CSMD3: variants seen among roughly 807,000 people sequenced by gnomAD.
The protein encoded by CSMD3 is CUB and sushi domain-containing protein 3.
CSMD3 carries 177 observed loss-of-function variants against 435.2 expected under a neutral mutation model. The observed-to-expected ratio is 0.41, with a 90% CI of 0.36 to 0.46. CSMD3 has a LOEUF of 0.46. Among genes scored for constraint, CSMD3 ranks in the 20% least tolerant of loss-of-function variants. The pLI, the probability that CSMD3 is intolerant of heterozygous loss-of-function variation, is 0.34. For missense variants in CSMD3, 4,265 were observed against 4,504.6 expected (o/e 0.95, Z 1.52); for synonymous variants, 1,656 against 1,520.5 (o/e 1.09, Z -2.07).
chr8:112,709,277 T>G (rs1435537386), intron 13 of CSMD3, among the ~76,000 whole-genome samples: 1 of 152,146 alleles, frequency 6.6e-6, no homozygotes, highest in Non-Finnish European at 1.5e-5. Flanking sequence ...CCAAAATTAT[T>G]TAATGGCCCA....
chr8:113,298,939 A>G (rs2093742342), intron 2 of CSMD3, among the ~76,000 whole-genome samples: 2 of 152,196 alleles, frequency 1.3e-5, no homozygotes. Context: ...GGAAGATAGG[A>G]GTAAAAAATA....
At chr8:112,916,370 G>A (rs574045035) in intron 10 of CSMD3, among the ~76,000 whole-genome samples, 16 of 151,768 alleles carry the variant, frequency 1.1e-4, no homozygotes, top group African/African-American at 3.4e-4. Flanking sequence ...TAACATGTAA[G>A]TGATATCATT....
intron 40 of CSMD3, among the ~76,000 whole-genome samples, chr8:112,350,645 T>C (rs1042825509): frequency 3.9e-5 from 6 of 151,982 alleles, no homozygotes; most frequent in Non-Finnish European, 7.4e-5. Flanking sequence ...AAAAAAAGCA[T>C]GAATAGAAGT....
chr8:112,608,032 C>T (rs945595511), intron 22 of CSMD3, among the ~76,000 whole-genome samples: 11 of 152,118 alleles, frequency 7.2e-5, no homozygotes, highest in African/African-American at 2.4e-4. Flanking sequence ...TTGCAGATGA[C>T]GTCATCTTAC....
intron 10 of CSMD3, among the ~76,000 whole-genome samples, chr8:112,915,547 C>T (rs1404165472): frequency 6.6e-6 from 1 of 151,666 alleles, no homozygotes; most frequent in Non-Finnish European, 1.5e-5. Context: ...TTATAATCAC[C>T]TTTATTTTTC....
chr8:112,413,333 T>C (rs898503032), intron 32 of CSMD3, among the ~76,000 whole-genome samples: 1 of 152,214 alleles, frequency 6.6e-6, no homozygotes, highest in African/African-American at 2.4e-5. Flanking sequence ...TTCCATTGAC[T>C]GAGAAAGTTT....
chr8:113,295,176 T>C (rs13255149), intron 2 of CSMD3, among the ~76,000 whole-genome samples: 119,098 of 152,060 alleles, frequency 0.78, 47,705 homozygotes, highest in Middle Eastern at 0.88. Context: ...CTTTCTGTTA[T>C]AAACGTCCCA....
chr8:112,421,888 T>C (rs1029530096), intron 32 of CSMD3, among the ~76,000 whole-genome samples: 34 of 152,038 alleles, frequency 2.2e-4, no homozygotes, highest in African/African-American at 7.5e-4. Context: ...AAGTTCTTTA[T>C]ACATATCAGC....
chr8:113,415,561 CT>C (rs2094578479), intron 1 of CSMD3, among the ~76,000 whole-genome samples: 1 of 152,040 alleles, frequency 6.6e-6, no homozygotes. Context: ...AAATGACAGA[CT>C]TTTAGAATTT....
chr8:113,407,239 AT>A (rs1272392560), intron 1 of CSMD3, among the ~76,000 whole-genome samples: 1 of 152,148 alleles, frequency 6.6e-6, no homozygotes, highest in Non-Finnish European at 1.5e-5. Flanking sequence ...TTGATGTTAA[AT>A]TCCTCAAAGG....
chr8:113,258,425 A>G (rs1179228822), intron 3 of CSMD3, among the ~76,000 whole-genome samples: 1 of 152,158 alleles, frequency 6.6e-6, no homozygotes. Context: ...AGCGGGACAT[A>G]TTAACACTCA....
intron 13 of CSMD3, among the ~76,000 whole-genome samples, chr8:112,755,519 A>G (rs971368633): frequency 1.1e-4 from 17 of 151,194 alleles, no homozygotes; most frequent in African/African-American, 4.1e-4. Flanking sequence ...CCCTTCGGCC[A>G]TGATGGTAAG....
intron 13 of CSMD3, among the ~76,000 whole-genome samples, chr8:112,757,778 G>A (rs1431697114): frequency 6.6e-6 from 1 of 152,124 alleles, no homozygotes; most frequent in Non-Finnish European, 1.5e-5. Context: ...TTTAGGCCAG[G>A]CATGGTGGCT....
intron 6 of CSMD3, among the ~76,000 whole-genome samples, chr8:112,987,206 A>G (rs995260613): frequency 3.0e-4 from 45 of 152,208 alleles, no homozygotes; most frequent in African/African-American, 1.1e-3. Context: ...ATCCACCCAG[A>G]TAATTTTGCT....
chr8:112,909,280 AG>A (rs1230071336), intron 10 of CSMD3, among the ~76,000 whole-genome samples: 3 of 151,676 alleles, frequency 2.0e-5, no homozygotes, highest in Non-Finnish European at 4.4e-5. Flanking sequence ...AAACACAAGA[AG>A]TCATCCAAGA....
At chr8:112,517,857 C>A (rs1005765743) in intron 27 of CSMD3, among the ~76,000 whole-genome samples, 2 of 152,160 alleles carry the variant, frequency 1.3e-5, no homozygotes, top group Admixed American at 1.3e-4. Flanking sequence ...GATTATGGCA[C>A]TTTCTTACGA....
chr8:113,355,714 TTTTA>T lies in CSMD3; in HGVS notation c.179-40925_179-40922del, dbSNP rs1343447928. Among the ~76,000 whole-genome samples the T allele has an allele frequency of 9.2e-3, 365 of 39,536 alleles. 11 individuals carry two copies. In the East Asian group the frequency reaches 0.27, roughly 29 times the overall value. 25.9% of individuals were successfully genotyped at this position (39,536 alleles called of 152,430 possible). A position where few individuals can be genotyped will look rare whatever the true frequency, so the allele number is the denominator to read the frequency against. ...TGCCTGAATAAATAACTCTTAAAAG[TTTTA>T]TTTTTATATATATATATATATATAT... On this transcript the variant is annotated intron_variant, in intron 1 of 70. Coordinates refer to ENST00000297405, the MANE Select transcript of CSMD3 (RefSeq NM_198123.2).
chr8:113,098,920 G>A lies in CSMD3; in HGVS notation c.753C>T (p.Ile251=), dbSNP rs772102757. 2 of 1,612,292 alleles carry A rather than the reference G, an allele frequency of 1.2e-6. No individual in the cohort carries two copies. Among genetic ancestry groups the A allele is most frequent in the South Asian group, 1.1e-5 (1 of 91,026 alleles). The change falls in exon 5 of 71, where the codon ATC becomes ATT. Residue 251 remains isoleucine, a synonymous_variant. Coordinates refer to ENST00000297405, the MANE Select transcript of CSMD3 (RefSeq NM_198123.2). ...CATTAGGAAAACTAGGGCTGGATAT[G>A]ATGCCACTGGATCCTCTCATTGTTC... ...CGGTMRGSSG[I]ISSPSFPNEY...
intron 22 of CSMD3, among the ~76,000 whole-genome samples, chr8:112,605,050 T>A (rs1458642890): frequency 2.0e-5 from 3 of 152,124 alleles, no homozygotes; most frequent in African/African-American, 7.2e-5. Flanking sequence ...CATGACTCAT[T>A]AGAGAAATAC....
Sources: gnomAD v4.1 joint callset for allele counts (sites outside exome capture counted in the v4.1 genomes callset) on GRCh38, gnomAD v4.1.1 for gene constraint, MANE v1.5 for transcripts, NCBI Gene and HGNC (gene_info 2026-07-23, HGNC 2026-07-21) for gene names.